The following STXBP2 variants were observed in gnomAD, a reference collection of about 807,000 sequenced individuals.
STXBP2 encodes syntaxin-binding protein 2.
In STXBP2, 47 loss-of-function variants were observed where a neutral mutation model predicts 72.2. The ratio of observed to expected loss-of-function variants is 0.65; its 90% confidence interval spans 0.51 to 0.83. The LOEUF is 0.83. Among genes scored for constraint, STXBP2 ranks in the 40% least tolerant of loss-of-function variants. The pLI is 0.00. For missense variants in STXBP2, 702 were observed against 807.6 expected (o/e 0.87, Z 1.58); for synonymous variants, 367 against 338.7 (o/e 1.08, Z -0.92).
chr19:7,638,362 G>A (rs913766431), intron 1 of STXBP2, among the ~76,000 whole-genome samples: 11 of 152,234 alleles, frequency 7.2e-5, no homozygotes, highest in Non-Finnish European at 1.3e-4. Context: ...AGCACTTTGG[G>A]AGGCCGAGGC....
intron 6 of STXBP2, chr19:7,641,238 C>T (rs1348302086): frequency 1.0e-5 from 6 of 580,920 alleles, no homozygotes; most frequent in Admixed American, 7.5e-5. Flanking sequence ...GGCGTGGTGG[C>T]GTGCACCTGT....
At chr19:7,632,485 T>C, upstream of STXBP2, 1 of 1,613,754 alleles carries the variant, frequency 6.2e-7, no homozygotes, top group Non-Finnish European at 8.5e-7. The surrounding 1 kb of genome is among the most constrained non-coding windows in gnomAD (Gnocchi z 5.2). Context: ...AGCATGTCCA[T>C]GAGGCTGTCC....
At position 7,647,872 on chromosome 19, in the gene STXBP2, C is replaced by G; in HGVS notation, c.*62C>G. 1 of 1,422,068 alleles carries G rather than the reference C, an allele frequency of 7.0e-7. No individual in the cohort carries two copies. Among genetic ancestry groups the G allele is most frequent in the Non-Finnish European group, 9.9e-7 (1 of 1,013,798 alleles). The allele number at this position is 1,422,068 out of a possible 1,614,324, so 88.1% of individuals were successfully genotyped here. A position where few individuals can be genotyped will look rare whatever the true frequency, so the allele number is the denominator to read the frequency against. ...AAATAAACTCTTCCCGTCGCTCTGC[C>G]AGCCAGTGCCTACCTCACCTTCTTA... On this transcript the variant is annotated 3_prime_UTR_variant, in exon 19 of 19. Coordinates refer to ENST00000221283, the MANE Select transcript of STXBP2 (RefSeq NM_006949.4).
intron 1 of STXBP2, among the ~76,000 whole-genome samples, chr19:7,638,188 C>T (rs996861787): frequency 1.3e-5 from 2 of 152,182 alleles, no homozygotes; most frequent in Non-Finnish European, 2.9e-5. Flanking sequence ...CACCTTTTGC[C>T]CCAGCACTCT....
At chr19:7,630,854 A>T in the STXBP2 span, 2 of 1,537,072 alleles carry the variant, frequency 1.3e-6, no homozygotes, top group African/African-American at 1.4e-5. Flanking sequence ...AAGGTAAGTG[A>T]TCTCTTCTTC....
chr19:7,630,642 G>C, the STXBP2 span: 1 of 1,537,136 alleles, frequency 6.5e-7, no homozygotes, highest in Non-Finnish European at 8.7e-7. Flanking sequence ...GTTTGAGGAC[G>C]ATGTCATACA....
At position 7,639,738 on chromosome 19, in the gene STXBP2, A is replaced by C. The variant is rs2146207936; in HGVS notation, c.177A>C (p.Glu59Asp). 1 of 1,613,186 alleles carries C rather than the reference A, an allele frequency of 6.2e-7. No individual in the cohort carries two copies. Residue 59 changes from glutamate (E) to aspartate (D), a missense_variant, in exon 4 of 19, where the codon GAA (glutamate) becomes GAC (aspartate). By Grantham distance (45) the Glu-to-Asp change is conservative. Transcript: ENST00000221283. ...DILAEGITIVEDINKRREPIP... is the reference protein window; with the variant it reads ...DILAEGITIVDDINKRREPIP... ...TTCCTCTGTTCCTACTAGTTGTTGA[A>C]GACATCAACAAACGGCGGGAACCCA...
At chr19:7,643,274 T>G (rs1599400684) in intron 13 of STXBP2, 29 bp downstream of exon 13, 1 of 1,599,344 alleles carries the variant, frequency 6.3e-7, no homozygotes, top group African/African-American at 1.4e-5. Context: ...GGGGCAGGGG[T>G]GATGGTCCTG....
At position 7,642,819 on chromosome 19, in the gene STXBP2, A is replaced by G. The variant is rs765781302; in HGVS notation, c.956A>G (p.Asp319Gly). 6.2e-7 allele frequency: 1 copy of G among 1,614,128 alleles called. No homozygotes were observed. The change falls in exon 11 of 19, where the codon GAC (aspartate) becomes GGC (glycine). Residue 319 changes from aspartate (D) to glycine (G), a missense_variant. Physicochemically the swap from Asp to Gly is moderately conservative, Grantham distance 94. Coordinates refer to ENST00000221283, the MANE Select transcript of STXBP2 (RefSeq NM_006949.4). This position sits in a 1 kb window ranked among gnomAD's most constrained non-coding sequence, Gnocchi z 6.0. ...TGTGAGAGCAAGAGGCTGACCACGG[A>G]CAAGGTAGGGGCGGACCCAGGTCAC... ...TFCESKRLTT[D>G]KANIKDLSQI...
At chr19:7,646,870 C>T in intron 16 of STXBP2, 1 of 542,850 alleles carries the variant, frequency 1.8e-6, no homozygotes, top group Non-Finnish European at 3.3e-6. Flanking sequence ...CTGATGGTCC[C>T]CAAGGGCCTG....
chr19:7,640,270 ATATG>A (rs763413812), intron 4 of STXBP2: 49 of 482,294 alleles, frequency 1.0e-4, no homozygotes, highest in South Asian at 3.1e-4. Context: ...GTATGCGTGT[ATATG>A]TATGTGCATC....
At chr19:7,633,094 G>T, upstream of STXBP2, 1 of 1,161,264 alleles carries the variant, frequency 8.6e-7, no homozygotes, top group Non-Finnish European at 1.2e-6. Flanking sequence ...TCCGATGCGT[G>T]TCCCGCCGTC....
the STXBP2 span, chr19:7,630,996 G>C: frequency 1.9e-6 from 2 of 1,047,894 alleles, no homozygotes; most frequent in Non-Finnish European, 2.8e-6. Context: ...ATCACTTGAG[G>C]TCAGGAGTTC....
At chr19:7,634,645 C>T (rs1173608592), upstream of STXBP2, among the ~76,000 whole-genome samples, 1 of 152,228 alleles carries the variant, frequency 6.6e-6, no homozygotes, top group East Asian at 1.9e-4. Context: ...GCTGGGATTA[C>T]AGGCATGAGC....
the STXBP2 span, chr19:7,630,858 C>CA: frequency 3.3e-6 from 5 of 1,537,130 alleles, no homozygotes; most frequent in African/African-American, 5.5e-5. Flanking sequence ...TAAGTGATCT[C>CA]TTCTTCCTGC....
chr19:7,643,250 G>A lies in STXBP2; in HGVS notation c.1107+5G>A, dbSNP rs889672078. On this transcript the variant is annotated splice_donor_5th_base_variant and intron_variant, in intron 13 of 18. Transcript: ENST00000221283. ...AAGCTGTGTAGTGTGGAGCAGGTGG[G>A]GCAGGGCTTGCGGGGGGCAGGGGTG... 1 of 1,613,224 alleles carries A rather than the reference G, an allele frequency of 6.2e-7. No homozygotes were observed. Among genetic ancestry groups the A allele is most frequent in the Non-Finnish European group, 8.5e-7 (1 of 1,179,818 alleles).
chr19:7,640,367 CGTGT>C, intron 4 of STXBP2: 1 of 538,964 alleles, frequency 1.9e-6, no homozygotes, highest in Non-Finnish European at 3.4e-6. Flanking sequence ...TGTGTGTATG[CGTGT>C]GTGTGCGCAT....
In STXBP2 at chr19:7,640,827, AG is replaced by A; in HGVS notation, c.325+21del. 1 of 1,614,008 alleles carries A rather than the reference AG, an allele frequency of 6.2e-7. No individual in the cohort carries two copies. The highest frequency in any genetic ancestry group is 8.5e-7 in the Non-Finnish European group (1 of 1,179,896). ...CACCGACAGTGAGTGAGGAGAGCCT[AG>A]GGTGTTGGTGGGTGGGGCAAGGAGG... On this transcript the variant is annotated intron_variant, in intron 5 of 18. Transcript: ENST00000221283.
Position 7,645,291 on chromosome 19 carries a change from T to C in STXBP2, c.1341T>C (p.Thr447=), listed in dbSNP as rs1211365113. Residue 447 remains threonine (T), a synonymous_variant, in exon 15 of 19, where the codon ACT becomes ACC. Transcript: ENST00000221283. Reference sequence around the variant, plus strand: ...GTAACCTGGAGCAGCTGGGAGGCACTGTCACCAACCCCGGGGTACGCCAGG... The same window carrying C: ...GTAACCTGGAGCAGCTGGGAGGCACCGTCACCAACCCCGGGGTACGCCAGG... ...LIRNLEQLGG[T]VTNPGGSGTS... 8.8e-6 allele frequency: 14 copies of C among 1,585,748 alleles called. No homozygotes were observed. The highest frequency in any genetic ancestry group is 1.2e-5 in the Non-Finnish European group (14 of 1,165,036).
Sources: allele counts gnomAD v4.1 joint callset (sites outside exome capture counted in the v4.1 genomes callset), GRCh38; gene constraint gnomAD v4.1.1; non-coding constraint Gnocchi (gnomAD v3.1); transcripts MANE v1.5; gene names NCBI Gene and HGNC (gene_info 2026-07-23, HGNC 2026-07-21).